Variants in RBMS3 observed in about 807,000 individuals in gnomAD.
The protein encoded by RBMS3 is RNA-binding motif, single-stranded-interacting protein 3.
A neutral mutation model predicts 66.8 loss-of-function variants in RBMS3; 27 were observed. That is an observed-to-expected ratio of 0.40 (90% CI 0.30 to 0.56). The LOEUF is 0.56. RBMS3 is among the 20% of genes least tolerant of loss of function. The probability of loss-of-function intolerance (pLI) is 0.40; values close to 1 mark genes in which losing one functional copy is unlikely to be tolerated. For missense variants in RBMS3, 513 were observed against 549.5 expected, an observed-to-expected ratio of 0.93 and a Z score of 0.66; for synonymous variants, 188 against 183.0, an observed-to-expected ratio of 1.03 and a Z score of -0.22.
intron 4 of RBMS3, among the ~76,000 whole-genome samples, chr3:29,623,453 G>A (rs919928944): frequency 6.6e-6 from 1 of 151,710 alleles, no homozygotes; most frequent in Non-Finnish European, 1.5e-5. Flanking sequence ...TTAGCCAGGC[G>A]TGGTGGCGGG....
chr3:29,573,312 G>A (rs1310156299), intron 3 of RBMS3, among the ~76,000 whole-genome samples: 1 of 152,000 alleles, frequency 6.6e-6, no homozygotes, highest in Non-Finnish European at 1.5e-5. Flanking sequence ...GTAGAGATGG[G>A]GTTTCACCAT....
intron 6 of RBMS3, among the ~76,000 whole-genome samples, chr3:29,793,050 C>T (rs1032071354): frequency 6.6e-5 from 10 of 152,060 alleles, no homozygotes; most frequent in Middle Eastern, 3.4e-3. Flanking sequence ...GCAGTCTGGC[C>T]AATGTGGTGA....
intron 12 of RBMS3, among the ~76,000 whole-genome samples, chr3:29,961,564 G>C (rs1696448337): frequency 6.6e-6 from 1 of 152,060 alleles, no homozygotes; most frequent in Non-Finnish European, 1.5e-5. Flanking sequence ...AAAGGAAAAA[G>C]GTTTAATTCA....
At chr3:29,434,580 G>A (rs1476038219) in intron 1 of RBMS3, among the ~76,000 whole-genome samples, 163 bp from the exon 2 acceptor site, 3 of 152,088 alleles carry the variant, frequency 2.0e-5, no homozygotes, top group Admixed American at 6.5e-5. Flanking sequence ...GGCGGGGGAC[G>A]ATATTCTTGA....
intron 8 of RBMS3, among the ~76,000 whole-genome samples, chr3:29,896,748 A>G (rs1193725640): frequency 2.6e-5 from 4 of 151,700 alleles, no homozygotes; most frequent in South Asian, 2.1e-4. Flanking sequence ...CAGTTGTTCA[A>G]TGAGAGGCTC....
intron 4 of RBMS3, among the ~76,000 whole-genome samples, chr3:29,724,213 A>G (rs895790562): frequency 2.0e-5 from 3 of 152,202 alleles, no homozygotes; most frequent in African/African-American, 7.2e-5. Flanking sequence ...AACATCTAGT[A>G]AGTTTACACT....
intron 6 of RBMS3, among the ~76,000 whole-genome samples, chr3:29,830,287 A>G (rs2058337767): frequency 6.6e-6 from 1 of 152,232 alleles, no homozygotes; most frequent in African/African-American, 2.4e-5. Flanking sequence ...TCATAAAAAT[A>G]AAGTCAAGGT....
At chr3:29,666,030 G>A (rs1427981118) in intron 4 of RBMS3, among the ~76,000 whole-genome samples, 2 of 151,956 alleles carry the variant, frequency 1.3e-5, no homozygotes, top group Admixed American at 6.6e-5. Context: ...AATTCACTAG[G>A]GTTCTCTGCT....
At chr3:29,575,944 C>G (rs2047104889) in intron 3 of RBMS3, among the ~76,000 whole-genome samples, 1 of 152,050 alleles carries the variant, frequency 6.6e-6, no homozygotes, top group Admixed American at 6.6e-5. Flanking sequence ...CCTCAAACAG[C>G]TATTTTGAAT....
chr3:29,303,599 G>A (rs1365674271), intron 1 of RBMS3, among the ~76,000 whole-genome samples: 1 of 151,896 alleles, frequency 6.6e-6, no homozygotes, highest in African/African-American at 2.4e-5. Flanking sequence ...CAAAGAATAA[G>A]TCCTGTTGAG....
intron 6 of RBMS3, among the ~76,000 whole-genome samples, chr3:29,799,843 A>AT (rs1402322940): frequency 1.3e-5 from 2 of 152,180 alleles, no homozygotes; most frequent in African/African-American, 4.8e-5. Flanking sequence ...CAATGATGGT[A>AT]TAAAGGCATC....
intron 4 of RBMS3, among the ~76,000 whole-genome samples, chr3:29,676,697 G>T (rs1210034341): frequency 1.3e-5 from 2 of 152,054 alleles, no homozygotes; most frequent in Admixed American, 1.3e-4. Flanking sequence ...TCAACCAGTA[G>T]CTTTTGAGAG....
At chr3:29,672,693 C>A (rs1308232637) in intron 4 of RBMS3, among the ~76,000 whole-genome samples, 1 of 152,016 alleles carries the variant, frequency 6.6e-6, no homozygotes, top group Non-Finnish European at 1.5e-5. Context: ...ACAAAGAAGG[C>A]CATTACATAA....
chr3:29,737,831 AGTGTGTGTGTGTGTGTGTGTGT>A (rs3070725), intron 4 of RBMS3, among the ~76,000 whole-genome samples: 21 of 145,758 alleles, frequency 1.4e-4, no homozygotes, highest in Non-Finnish European at 2.9e-4. Context: ...GTGATAGTGG[AGTGTGTGTGTGTGTGTGTGTGT>A]GTGTGTGTGT....
intron 4 of RBMS3, among the ~76,000 whole-genome samples, chr3:29,739,266 C>A (rs1204157969): frequency 6.6e-6 from 1 of 152,074 alleles, no homozygotes; most frequent in East Asian, 1.9e-4. Context: ...ACCATCCTGG[C>A]TAACACGGTG....
chr3:29,989,480 G>C (rs1034857408), intron 13 of RBMS3, among the ~76,000 whole-genome samples: 1 of 152,092 alleles, frequency 6.6e-6, no homozygotes, highest in African/African-American at 2.4e-5. Context: ...TACTCCATTT[G>C]TTGGCAAGCA....
intron 6 of RBMS3, among the ~76,000 whole-genome samples, chr3:29,837,677 T>TGAAC (rs1559724083): frequency 2.7e-5 from 2 of 74,504 alleles, no homozygotes; most frequent in Admixed American, 2.7e-4. Context: ...TATATATATA[T>TGAAC]ATATATATAT....
Position 29,735,721 on chromosome 3 carries a change from C to T in RBMS3, c.400-3999C>T, listed in dbSNP as rs145294516. ...TTGTCTCTATAATATTCTTTTGAAC[C>T]ACAACCTATTTATTAATCATTGGAT... On this transcript the variant is annotated intron_variant, in intron 4 of 14. Transcript: ENST00000383767. Among the ~76,000 whole-genome samples, 70 of 152,172 alleles carry T rather than the reference C, an allele frequency of 4.6e-4. 1 individual carries two copies. The East Asian group carries it at 0.013, about 27-fold the overall frequency.
intron 10 of RBMS3, among the ~76,000 whole-genome samples, chr3:29,915,363 A>T (rs75752634): frequency 6.6e-6 from 1 of 151,856 alleles, no homozygotes; most frequent in South Asian, 2.1e-4. Context: ...TCCAATGGCC[A>T]ACTTGAAAAA....
Sources: gnomAD v4.1 joint callset for allele counts (sites outside exome capture counted in the v4.1 genomes callset) on GRCh38, gnomAD v4.1.1 for gene constraint, MANE v1.5 for transcripts, NCBI Gene and HGNC (gene_info 2026-07-23, HGNC 2026-07-21) for gene names.